Variants in CDC42BPB observed in about 807,000 individuals in gnomAD.
CDC42BPB encodes the protein CDC42 binding protein kinase beta.
A neutral mutation model predicts 214.9 loss-of-function variants in CDC42BPB; 37 were observed. That is an observed-to-expected ratio of 0.17 (90% confidence interval 0.13 to 0.23). The LOEUF is 0.23. CDC42BPB is among the 10% of genes least tolerant of loss of function. The probability of loss-of-function intolerance (pLI) is 1.00; values close to 1 mark genes in which losing one functional copy is unlikely to be tolerated. For synonymous variants in CDC42BPB, 931 were observed against 884.0 expected, an observed-to-expected ratio of 1.05 and a Z score of -0.94; for missense variants, 1,694 against 2,227.0, an observed-to-expected ratio of 0.76 and a Z score of 4.82.
intron 5 of CDC42BPB, among the ~76,000 whole-genome samples, chr14:102,993,047 C>T (rs891397621): frequency 2.6e-5 from 4 of 152,012 alleles, no homozygotes; most frequent in Non-Finnish European, 4.4e-5. Context: ...CCAGGCTGGT[C>T]TTGAACTTGT....
At chr14:102,954,766 C>G in intron 21 of CDC42BPB, 78 bp from the exon 22 acceptor site, 2 of 1,528,314 alleles carry the variant, frequency 1.3e-6, no homozygotes, top group African/African-American at 2.7e-5. Flanking sequence ...AAGTTCTTTA[C>G]TAATAAAAGC....
chr14:102,934,485 G>GACTGCACC (rs968144813), intron 36 of CDC42BPB, among the ~76,000 whole-genome samples: 3 of 152,088 alleles, frequency 2.0e-5, no homozygotes. Context: ...AGTGAGCCGA[G>GACTGCACC]ACTGCACCAC....
rs1178468561 is a variant in CDC42BPB, at chr14:102,964,362, C to T, written c.2726+140G>A. ...TCGGGGCTCCTGCAGGTGAACCCGA[C>T]GTGCTGCCTCCTAAGGCTCCAGCAA... On this transcript the variant is annotated intron_variant, in intron 19 of 36. Coordinates refer to ENST00000361246, the MANE Select transcript of CDC42BPB (RefSeq NM_006035.4). 1.6e-5 allele frequency: 15 copies of T among 962,616 alleles called. 1 individual carries two copies. Among genetic ancestry groups the T allele is most frequent in the Admixed American group, 8.9e-5 (3 of 33,896 alleles). 59.6% of individuals were successfully genotyped at this position (962,616 alleles called of 1,614,324 possible). A position where few individuals can be genotyped will look rare whatever the true frequency, so the allele number is the denominator to read the frequency against.
chr14:102,938,947 T>C (rs962428427), intron 34 of CDC42BPB, among the ~76,000 whole-genome samples: 8 of 136,550 alleles, frequency 5.9e-5, no homozygotes, highest in Admixed American at 3.7e-4. Flanking sequence ...ATAATTTTTT[T>C]TTTTTTTGAG....
At chr14:102,993,531 G>A (rs941489606) in intron 5 of CDC42BPB, among the ~76,000 whole-genome samples, 4 of 149,354 alleles carry the variant, frequency 2.7e-5, no homozygotes, top group Non-Finnish European at 5.9e-5. Context: ...AGGATGAGAG[G>A]ATGGAAGGAT....
intron 1 of CDC42BPB, among the ~76,000 whole-genome samples, chr14:103,045,687 G>GT (rs1204541123): frequency 1.3e-5 from 2 of 152,306 alleles, no homozygotes; most frequent in East Asian, 3.9e-4. Flanking sequence ...TTTCAAGTAA[G>GT]TAAGTGTAAG....
chr14:103,029,600 T>TA (rs562431332), intron 1 of CDC42BPB, among the ~76,000 whole-genome samples: 264 of 149,874 alleles, frequency 1.8e-3, no homozygotes, highest in African/African-American at 6.3e-3. Context: ...CTCATGCCTG[T>TA]AATCCCAGCA....
intron 1 of CDC42BPB, among the ~76,000 whole-genome samples, chr14:103,048,707 CA>C (rs576300614): frequency 0.037 from 3,797 of 103,456 alleles, 153 homozygotes; most frequent in African/African-American, 0.12. Flanking sequence ...GACTCCGTCT[CA>C]AAAAAAAAAA....
At chr14:103,053,668 AG>A (rs1453541205) in intron 1 of CDC42BPB, among the ~76,000 whole-genome samples, 15 of 149,394 alleles carry the variant, frequency 1.0e-4, no homozygotes, top group African/African-American at 3.2e-4. Context: ...AGGCTGAGGC[AG>A]GAGAACAACG....
In CDC42BPB at chr14:102,943,742, C is replaced by T; in HGVS notation, c.4408+149G>A. 1 of 661,544 alleles carries T rather than the reference C, an allele frequency of 1.5e-6. No individual in the cohort carries two copies. The highest frequency in any genetic ancestry group is 2.6e-6 in the Non-Finnish European group (1 of 390,870). The allele number at this position is 661,544 out of a possible 1,614,324, so 41.0% of individuals were successfully genotyped here. A position where few individuals can be genotyped will look rare whatever the true frequency, so the allele number is the denominator to read the frequency against. On this transcript the variant is annotated intron_variant, in intron 30 of 36. Coordinates refer to ENST00000361246, the MANE Select transcript of CDC42BPB (RefSeq NM_006035.4). This position sits in a 1 kb window ranked among gnomAD's most constrained non-coding sequence, Gnocchi z 4.6. ...CGTGAGATCTGAACCATGCTCTCTG[C>T]TGCGGGCTGGCATGGGGCCCACCTC...
chr14:103,003,806 TCGA>T, intron 4 of CDC42BPB, 119 bp downstream of exon 4: 1 of 660,482 alleles, frequency 1.5e-6, no homozygotes, highest in Non-Finnish European at 2.4e-6. Context: ...CGCCGTTTTA[TCGA>T]GTCCAATACA....
intron 1 of CDC42BPB, among the ~76,000 whole-genome samples, chr14:103,023,962 T>TG (rs1280747103): frequency 7.9e-5 from 12 of 152,198 alleles, no homozygotes; most frequent in Admixed American, 2.0e-4. Context: ...GCAGCACTGA[T>TG]GGGGGCGGTG....
rs191912209 is a variant in CDC42BPB at position 102,934,473 on chromosome 14, G to A, written c.5005-630C>T. Among the ~76,000 whole-genome samples the A allele has an allele frequency of 4.0e-3, 608 of 152,244 alleles. 1 individual carries two copies. Among genetic ancestry groups the A allele is most frequent in the Non-Finnish European group, 6.9e-3 (472 of 68,024 alleles). On this transcript the variant is annotated intron_variant, in intron 36 of 36. Coordinates refer to ENST00000361246, the MANE Select transcript of CDC42BPB (RefSeq NM_006035.4). ...GGCGTGAACCCGGGAGGCGGAGCTTGCAGTGAGCCGAGACTGCACCACTGC... is the reference window on the plus strand; with the variant it reads ...GGCGTGAACCCGGGAGGCGGAGCTTACAGTGAGCCGAGACTGCACCACTGC...
intron 6 of CDC42BPB, chr14:102,986,180 G>A (rs995518515): frequency 2.1e-5 from 6 of 285,628 alleles, no homozygotes; most frequent in South Asian, 4.1e-5. Flanking sequence ...AGCAGGGAGC[G>A]CCCTCGATCT....
chr14:102,935,602 C>T (rs913496473), intron 36 of CDC42BPB, among the ~76,000 whole-genome samples: 7 of 151,794 alleles, frequency 4.6e-5, no homozygotes, highest in East Asian at 1.9e-4. Flanking sequence ...CCAGTCTGGC[C>T]AACATGGTGA....
chr14:103,052,482 CCTTA>C (rs1888662777), intron 1 of CDC42BPB, among the ~76,000 whole-genome samples: 1 of 152,124 alleles, frequency 6.6e-6, no homozygotes, highest in Admixed American at 6.5e-5. Flanking sequence ...GTCAGTTAAG[CCTTA>C]CTTATTAAAT....
At chr14:103,056,879 G>A in intron 1 of CDC42BPB, 120 bp downstream of exon 1, 1 of 645,598 alleles carries the variant, frequency 1.5e-6, no homozygotes, top group Non-Finnish European at 2.3e-6. Context: ...AAGCCCACGA[G>A]CTGGGTGGGC....
At position 102,986,549 on chromosome 14, in the gene CDC42BPB, C is replaced by T. The variant is rs1273277947; in HGVS notation, c.628G>A (p.Val210Met). ...TCAGCCAGGCGGATATGACCATTCA[C>T]GTCCAAAAGGACATTGTCAGGTTTA... ...DIKPDNVLLD[V>M]NGHIRLADFG... Residue 210 changes from valine (V) to methionine (M), a missense_variant, in exon 6 of 37, where the codon GTG (valine) becomes ATG (methionine). This residue lies in a region of CDC42BPB where 225 missense variants were observed against 459.3 expected (regional missense o/e 0.49). Coordinates refer to ENST00000361246, the MANE Select transcript of CDC42BPB (RefSeq NM_006035.4). 5.0e-6 allele frequency: 8 copies of T among 1,613,930 alleles called. No homozygotes were observed. The highest frequency in any genetic ancestry group is 1.6e-4 in the Middle Eastern group (1 of 6,062).
Position 102,943,835 on chromosome 14 carries a change from T to C in CDC42BPB, c.4408+56A>G. 31 of 1,494,798 alleles carry C rather than the reference T, an allele frequency of 2.1e-5. No homozygotes were observed. Among genetic ancestry groups the C allele is most frequent in the African/African-American group, 2.8e-5 (2 of 72,194 alleles). The allele number at this position is 1,494,798 out of a possible 1,614,324, so 92.6% of individuals were successfully genotyped here. ...AACCAAAGCAAAATCGAACACATGC[T>C]GACTGTCGGTGGGAAAAGCAGCAAC... On this transcript the variant is annotated intron_variant, in intron 30 of 36. Transcript: ENST00000361246. The surrounding 1 kb of genome is among the most constrained non-coding windows in gnomAD (Gnocchi z 4.6).
Sources: allele counts gnomAD v4.1 joint callset (sites outside exome capture counted in the v4.1 genomes callset), GRCh38; gene constraint gnomAD v4.1.1; regional missense constraint gnomAD v4.1.1; non-coding constraint Gnocchi (gnomAD v3.1); transcripts MANE v1.5; gene names NCBI Gene and HGNC (gene_info 2026-07-23, HGNC 2026-07-21).